CMIP: variants seen among roughly 807,000 people sequenced by gnomAD.
The protein encoded by CMIP is C-Maf-inducing protein.
In CMIP, 13 loss-of-function variants were observed where a neutral mutation model predicts 97.3. The ratio of observed to expected loss-of-function variants is 0.13; its 90% CI spans 0.09 to 0.21. The LOEUF is 0.21. Among genes scored for constraint, CMIP ranks in the 10% least tolerant of loss-of-function variants. The pLI is 1.00. For synonymous variants in CMIP, 538 were observed against 436.3 expected, an observed-to-expected ratio of 1.23 and a Z score of -2.91; for missense variants, 847 against 1,024.9, an observed-to-expected ratio of 0.83 and a Z score of 2.37.
At chr16:81,584,893 C>A (rs572449411) in intron 1 of CMIP, among the ~76,000 whole-genome samples, 1 of 152,202 alleles carries the variant, frequency 6.6e-6, no homozygotes, top group Non-Finnish European at 1.5e-5. Flanking sequence ...GTCAACTCCC[C>A]CAACTGTTCA....
At position 81,652,277 on chromosome 16, in the gene CMIP, C is replaced by T. The variant is rs2092436731; in HGVS notation, c.552C>T (p.Thr184=). The T allele has an allele frequency of 4.3e-6, 7 of 1,613,628 alleles. No homozygotes were observed. The highest frequency in any genetic ancestry group is 1.7e-4 in the Middle Eastern group (1 of 6,058). ...RWEVVLKEIR[T]LVDMALTSPL... is the part of the protein sequence containing the mutation. ...AAGTTGTCTTGAAAGAGATCCGGACCCTGGTGGACATGGCCCTGACATCCC... is the reference window on the plus strand; with the variant it reads ...AAGTTGTCTTGAAAGAGATCCGGACTCTGGTGGACATGGCCCTGACATCCC... Residue 184 remains threonine (T), a synonymous_variant, in exon 4 of 21, where the codon ACC becomes ACT. Coordinates refer to ENST00000537098, the MANE Select transcript of CMIP (RefSeq NM_198390.3). This position sits in a 1 kb window ranked among gnomAD's most constrained non-coding sequence, Gnocchi z 5.2.
At chr16:81,525,115 A>ATTATTCAT (rs1246359470) in intron 1 of CMIP, among the ~76,000 whole-genome samples, 4 of 139,794 alleles carry the variant, frequency 2.9e-5, no homozygotes, top group Non-Finnish European at 4.7e-5. Context: ...ATTTCTTTAA[A>ATTATTCAT]TTATTCATTT....
rs745552685 is a variant in CMIP, at chr16:81,701,849, G to C, written c.1896+49G>C. The C allele has an allele frequency of 2.5e-6, 4 of 1,609,154 alleles. No homozygotes were observed. The African/African-American group carries it at 4.0e-5, about 16-fold the overall frequency. On this transcript the variant is annotated intron_variant, in intron 16 of 20. Coordinates refer to ENST00000537098, the MANE Select transcript of CMIP (RefSeq NM_198390.3). ...CACTCCCCTGCCCAGCAGGCCAGGG[G>C]GGGCCAGGGCGGGATGCGGGGCAGC...
At chr16:81,692,515 G>A (rs1906205939) in intron 11 of CMIP, among the ~76,000 whole-genome samples, 2 of 152,236 alleles carry the variant, frequency 1.3e-5, no homozygotes, top group East Asian at 1.9e-4. Context: ...GCCTCGGGAG[G>A]CAGCTGGGGC....
At chr16:81,529,261 C>T (rs1051228675) in intron 1 of CMIP, among the ~76,000 whole-genome samples, 3 of 151,848 alleles carry the variant, frequency 2.0e-5, no homozygotes, top group Admixed American at 2.0e-4. Flanking sequence ...GGGATGGGCC[C>T]GTGAGGGAGG....
rs1436637488 is a variant in CMIP, at chr16:81,486,906, A to G, written c.300+41365A>G. On this transcript the variant is annotated intron_variant, in intron 1 of 20. Transcript: ENST00000537098. ...TCAAACTGGAGCTCTGACCTCAGGC[A>G]TCGCACATTCCATACTCCCCGGCCT... Among the ~76,000 whole-genome samples, 4 of 152,378 alleles carry G rather than the reference A, an allele frequency of 2.6e-5. No individual in the cohort carries two copies. The East Asian group carries it at 5.8e-4, about 22-fold the overall frequency.
chr16:81,603,255 G>A (rs1001856726), intron 1 of CMIP, among the ~76,000 whole-genome samples: 3 of 152,018 alleles, frequency 2.0e-5, no homozygotes, highest in African/African-American at 7.2e-5. Context: ...CGTTTTTTTA[G>A]TATTTTTAGT....
intron 1 of CMIP, among the ~76,000 whole-genome samples, chr16:81,530,731 G>A (rs1410479444): frequency 6.6e-6 from 1 of 152,124 alleles, no homozygotes; most frequent in Non-Finnish European, 1.5e-5. Context: ...ATGTCACCGA[G>A]TGTCAGAGCT....
chr16:81,565,058 A>G (rs1450632061), intron 1 of CMIP, among the ~76,000 whole-genome samples: 1 of 151,330 alleles, frequency 6.6e-6, no homozygotes, highest in African/African-American at 2.4e-5. Context: ...AAGGGCTAAG[A>G]CCCTTCAAGC....
At chr16:81,531,480 C>T (rs112219623) in intron 1 of CMIP, among the ~76,000 whole-genome samples, 85 of 152,328 alleles carry the variant, frequency 5.6e-4, no homozygotes, top group Admixed American at 2.2e-3. Flanking sequence ...TGCCCTCAGT[C>T]CAGTCTCGAT....
At chr16:81,585,351 A>G (rs2091364220) in intron 1 of CMIP, among the ~76,000 whole-genome samples, 1 of 152,192 alleles carries the variant, frequency 6.6e-6, no homozygotes, top group African/African-American at 2.4e-5. Flanking sequence ...AAAAAATAAT[A>G]ATAATAAATG....
At chr16:81,671,038 A>G (rs1186687368) in intron 8 of CMIP, among the ~76,000 whole-genome samples, 1 of 152,178 alleles carries the variant, frequency 6.6e-6, no homozygotes, top group Non-Finnish European at 1.5e-5. Flanking sequence ...CATGTTGGCC[A>G]GGCTAGTCTT....
At chr16:81,538,332 C>G (rs1243540989) in intron 1 of CMIP, among the ~76,000 whole-genome samples, 2 of 152,108 alleles carry the variant, frequency 1.3e-5, no homozygotes, top group Admixed American at 1.3e-4. Context: ...CTGCAGTGGC[C>G]CAGTTGCATA....
intron 1 of CMIP, among the ~76,000 whole-genome samples, chr16:81,530,697 C>G (rs2090216355): frequency 6.6e-6 from 1 of 152,160 alleles, no homozygotes; most frequent in Non-Finnish European, 1.5e-5. Context: ...ACCTCCGAGG[C>G]TTCTGTGTCA....
At chr16:81,698,879 G>A (rs996891753) in intron 14 of CMIP, among the ~76,000 whole-genome samples, 5 of 152,106 alleles carry the variant, frequency 3.3e-5, no homozygotes, top group African/African-American at 4.8e-5. Context: ...AAACTTCAAC[G>A]TAATAAGTGT....
chr16:81,682,555 G>A (rs4888163), intron 10 of CMIP, among the ~76,000 whole-genome samples: 52,695 of 150,928 alleles, frequency 0.35, 9,696 homozygotes, highest in African/African-American at 0.45. Context: ...ACAAGAGCGA[G>A]ACTCCCATCT....
chr16:81,667,799 A>AGAGAGAGAGAGAGAGT, intron 7 of CMIP, among the ~76,000 whole-genome samples: 53 of 58,136 alleles, frequency 9.1e-4, no homozygotes, highest in African/African-American at 1.5e-3. Context: ...AGAGAGAGAG[A>AGAGAGAGAGAGAGAGT]GTGTGTGTGT....
chr16:81,536,555 C>T (rs2090346757), intron 1 of CMIP, among the ~76,000 whole-genome samples: 1 of 152,170 alleles, frequency 6.6e-6, no homozygotes, highest in Admixed American at 6.5e-5. Context: ...CACATTGTAG[C>T]ACAACCCGTC....
intron 3 of CMIP, among the ~76,000 whole-genome samples, chr16:81,644,908 T>A (rs921161598): frequency 6.6e-5 from 10 of 152,150 alleles, no homozygotes; most frequent in South Asian, 4.1e-4. Flanking sequence ...GCCACACACA[T>A]ACTAGACCTC....
Sources: gnomAD v4.1 joint callset for allele counts (sites outside exome capture counted in the v4.1 genomes callset) on GRCh38, gnomAD v4.1.1 for gene constraint, Gnocchi (gnomAD v3.1) non-coding constraint, MANE v1.5 for transcripts, NCBI Gene and HGNC (gene_info 2026-07-23, HGNC 2026-07-21) for gene names.